Variants in USP12 observed in about 807,000 individuals in gnomAD.
The protein encoded by USP12 is ubiquitin carboxyl-terminal hydrolase 12.
In USP12, 19 loss-of-function variants were observed where a neutral mutation model predicts 45.5. That is an observed-to-expected ratio of 0.42 (90% CI 0.29 to 0.61). USP12 has a LOEUF of 0.61. Among genes scored for constraint, USP12 ranks in the 20% least tolerant of loss-of-function variants. USP12 has a pLI of 0.22. For missense variants in USP12, 242 were observed against 447.7 expected (o/e 0.54, Z 4.15); for synonymous variants, 149 against 148.8 (o/e 1.00, Z -0.01).
At chr13:27,155,327 C>A (rs1428042080) in intron 1 of USP12, among the ~76,000 whole-genome samples, 1 of 151,820 alleles carries the variant, frequency 6.6e-6, no homozygotes, top group African/African-American at 2.4e-5. Context: ...GTGATCTGCC[C>A]GCCTTGGCCT....
intron 6 of USP12, among the ~76,000 whole-genome samples, chr13:27,083,084 C>T (rs1489383588): frequency 6.6e-6 from 1 of 152,182 alleles, no homozygotes; most frequent in African/African-American, 2.4e-5. Context: ...ATCTGCCCAC[C>T]TTGGCCTCCC....
chr13:27,097,192 C>T (rs73155872), intron 3 of USP12, among the ~76,000 whole-genome samples: 93 of 150,840 alleles, frequency 6.2e-4, no homozygotes, highest in Non-Finnish European at 1.1e-3. Context: ...GCAGGCCAAG[C>T]GCAGTGGCTC....
Position 27,075,310 on chromosome 13 carries a change from A to G in USP12, c.813T>C (p.Tyr271=), listed in dbSNP as rs764504408. 2 of 1,614,212 alleles carry G rather than the reference A, an allele frequency of 1.2e-6. No individual in the cohort carries two copies. Among genetic ancestry groups the G allele is most frequent in the Non-Finnish European group, 1.7e-6 (2 of 1,180,026 alleles). The change falls in exon 7 of 9, where the codon TAT becomes TAC. Residue 271 remains tyrosine, a synonymous_variant. Transcript: ENST00000282344. ...RFKYMDQLHR[Y]TKLSYRVVFP... ...AAACTACCCGGTAAGAGAGTTTTGT[A>G]TATCGATGAAGTTGATCCATATATT...
chr13:27,090,640 T>C (rs1047429098), intron 4 of USP12, among the ~76,000 whole-genome samples: 1 of 152,244 alleles, frequency 6.6e-6, no homozygotes, highest in Non-Finnish European at 1.5e-5. Context: ...TTGTTTGATT[T>C]ATGGGTAAAT....
intron 4 of USP12, among the ~76,000 whole-genome samples, chr13:27,093,178 T>A: frequency 6.7e-6 from 1 of 148,156 alleles, no homozygotes. Flanking sequence ...AGAGCGAAAC[T>A]CCATCTCAAA....
In USP12 at chr13:27,106,027, G is replaced by T. The variant is rs1036526340; in HGVS notation, c.130-83C>A. ...AATTCCCGGTATATGGTTGAGAACA[G>T]AAAGAGATGACAATCGGTTACTACT... On this transcript the variant is annotated intron_variant, in intron 2 of 8. Transcript: ENST00000282344. The T allele has an allele frequency of 1.4e-5, 17 of 1,198,722 alleles. No homozygotes were observed. The African/African-American group carries it at 2.5e-4, about 17-fold the overall frequency. The allele number at this position is 1,198,722 out of a possible 1,614,324, so 74.3% of individuals were successfully genotyped here. A position where few individuals can be genotyped will look rare whatever the true frequency, so the allele number is the denominator to read the frequency against.
chr13:27,080,926 T>C (rs887462101), intron 6 of USP12, among the ~76,000 whole-genome samples: 3 of 152,128 alleles, frequency 2.0e-5, no homozygotes, highest in African/African-American at 7.2e-5. Flanking sequence ...ATAATCTTTC[T>C]GCTGGTGGAG....
At chr13:27,141,689 A>T (rs1174830591) in intron 1 of USP12, among the ~76,000 whole-genome samples, 1 of 142,862 alleles carries the variant, frequency 7.0e-6, no homozygotes, top group Non-Finnish European at 1.5e-5. Flanking sequence ...GAATAGACAG[A>T]AAGGAAGTAT....
chr13:27,152,381 CATAT>C (rs1566004904), intron 1 of USP12, among the ~76,000 whole-genome samples: 1 of 152,066 alleles, frequency 6.6e-6, no homozygotes, highest in Non-Finnish European at 1.5e-5. Context: ...TCCCAAAGAC[CATAT>C]ACTCTATGAT....
intron 2 of USP12, among the ~76,000 whole-genome samples, chr13:27,114,671 AG>A (rs1298585252): frequency 6.6e-6 from 1 of 152,178 alleles, no homozygotes. Flanking sequence ...TGCAACTGAA[AG>A]TAACAGAAAA....
chr13:27,121,187 T>C (rs1875965534), intron 1 of USP12, among the ~76,000 whole-genome samples: 2 of 152,134 alleles, frequency 1.3e-5, no homozygotes, highest in African/African-American at 2.4e-5. Context: ...TTGCTTGACT[T>C]GTCCTTGGCA....
chr13:27,083,002 A>G (rs1320454550), intron 6 of USP12, among the ~76,000 whole-genome samples: 1 of 152,008 alleles, frequency 6.6e-6, no homozygotes, highest in Non-Finnish European at 1.5e-5. Flanking sequence ...CGTCCAGCTA[A>G]TTTTGTATTT....
intron 1 of USP12, among the ~76,000 whole-genome samples, chr13:27,165,421 T>C (rs1467053452): frequency 6.6e-6 from 1 of 152,152 alleles, no homozygotes; most frequent in Non-Finnish European, 1.5e-5. Flanking sequence ...TCCATTTTGG[T>C]TAGTATATGT....
At chr13:27,105,559 A>G (rs145004904) in intron 3 of USP12, among the ~76,000 whole-genome samples, 172 bp downstream of exon 3, 21 of 152,348 alleles carry the variant, frequency 1.4e-4, no homozygotes, top group African/African-American at 5.1e-4. Context: ...TTACTGTAAG[A>G]CTATCTCCTT....
intron 8 of USP12, among the ~76,000 whole-genome samples, chr13:27,070,756 T>C (rs964964535): frequency 6.6e-5 from 10 of 152,156 alleles, no homozygotes; most frequent in Non-Finnish European, 1.2e-4. Flanking sequence ...TTTCTCCATA[T>C]TGGTCAGGCT....
At chr13:27,131,061 T>A (rs1450586322) in intron 1 of USP12, among the ~76,000 whole-genome samples, 2 of 152,242 alleles carry the variant, frequency 1.3e-5, no homozygotes, top group African/African-American at 4.8e-5. Flanking sequence ...TGTGTGGCAT[T>A]TTCAAAATGC....
At position 27,072,548 on chromosome 13, in the gene USP12, T is replaced by A. The variant is rs1042884144; in HGVS notation, c.933-1399A>T. 3.3e-5 allele frequency among the ~76,000 whole-genome samples: 5 copies of A among 152,188 alleles called. No individual in the cohort carries two copies. In the East Asian group the frequency reaches 7.7e-4, roughly 23 times the overall value. The stretch of plus-strand genomic sequence containing the variant: ...GTAAGGTATGCAAATAACTATTGAT[T>A]GCTGTGGAGATTAAAGAGATACCAA... On this transcript the variant is annotated intron_variant, in intron 7 of 8. Transcript: ENST00000282344.
intron 4 of USP12, among the ~76,000 whole-genome samples, chr13:27,090,522 G>A (rs1172929915): frequency 1.3e-5 from 2 of 151,860 alleles, no homozygotes; most frequent in Non-Finnish European, 2.9e-5. Context: ...GCTTCACACA[G>A]GACAGGATAT....
intron 2 of USP12, among the ~76,000 whole-genome samples, chr13:27,112,922 G>A (rs17072239): frequency 0.041 from 6,306 of 152,200 alleles, 157 homozygotes; most frequent in Admixed American, 0.074. Context: ...CCACCATAAT[G>A]TCAATAGCAT....
Sources: allele counts gnomAD v4.1 joint callset (sites outside exome capture counted in the v4.1 genomes callset), GRCh38; gene constraint gnomAD v4.1.1; transcripts MANE v1.5; gene names NCBI Gene and HGNC (gene_info 2026-07-23, HGNC 2026-07-21).